Variants in MRPL1 observed in about 807,000 individuals in gnomAD.
The protein encoded by MRPL1 is mitochondrial ribosomal protein L1.
In MRPL1, 28 loss-of-function variants were observed where a neutral mutation model predicts 38.0. The ratio of observed to expected loss-of-function variants is 0.74; its 90% CI spans 0.55 to 1.01. The LOEUF (loss-of-function observed/expected upper bound fraction) is 1.01, where lower values mean the gene tolerates loss of function less well. MRPL1 is among the 50% of genes least tolerant of loss of function. MRPL1 has a pLI of 0.00. For synonymous variants in MRPL1, 123 were observed against 126.7 expected, an observed-to-expected ratio of 0.97 and a Z score of 0.20; for missense variants, 358 against 389.8, an observed-to-expected ratio of 0.92 and a Z score of 0.69.
intron 7 of MRPL1, among the ~76,000 whole-genome samples, chr4:77,941,058 G>A (rs1247290589): frequency 6.6e-6 from 1 of 152,058 alleles, no homozygotes; most frequent in Non-Finnish European, 1.5e-5. Flanking sequence ...CTGATGTCAG[G>A]AGTTCAAGAC....
intron 1 of MRPL1, among the ~76,000 whole-genome samples, chr4:77,870,492 T>C (rs997796900): frequency 6.6e-6 from 1 of 152,224 alleles, no homozygotes; most frequent in South Asian, 2.1e-4. Context: ...CACACCTTTA[T>C]GAAAGGCACA....
intron 5 of MRPL1, among the ~76,000 whole-genome samples, chr4:77,890,867 C>T (rs1016376510): frequency 2.6e-5 from 4 of 152,248 alleles, no homozygotes; most frequent in Non-Finnish European, 5.9e-5. Context: ...AGAAAGTAGA[C>T]AGGAAATAGT....
intron 7 of MRPL1, among the ~76,000 whole-genome samples, chr4:77,926,078 G>C (rs879446694): frequency 6.6e-6 from 1 of 152,184 alleles, no homozygotes; most frequent in African/African-American, 2.4e-5. Context: ...ATCTTTAAAA[G>C]ACTTAAAATG....
intron 7 of MRPL1, among the ~76,000 whole-genome samples, chr4:77,917,814 C>T (rs763220157): frequency 1.3e-5 from 2 of 151,934 alleles, no homozygotes; most frequent in Non-Finnish European, 1.5e-5. Flanking sequence ...CCAGCACTTT[C>T]GGAAGCTGAG....
intron 5 of MRPL1, among the ~76,000 whole-genome samples, chr4:77,889,969 G>A (rs1048914808): frequency 1.4e-4 from 21 of 152,152 alleles, no homozygotes; most frequent in African/African-American, 4.8e-4. Flanking sequence ...AACAGGCTCT[G>A]AAATTGAGGC....
intron 2 of MRPL1, 144 bp from the exon 3 acceptor site, chr4:77,883,098 A>G (rs1735581677): frequency 1.8e-6 from 1 of 566,782 alleles, no homozygotes; most frequent in Non-Finnish European, 2.9e-6. Context: ...TTGTTGAATT[A>G]GAAAAACTGT....
At chr4:77,914,024 T>C (rs1412130347) in intron 7 of MRPL1, among the ~76,000 whole-genome samples, 1 of 152,210 alleles carries the variant, frequency 6.6e-6, no homozygotes, top group African/African-American at 2.4e-5. Flanking sequence ...GAAGTGATTG[T>C]TATGTTATTC....
chr4:77,879,182 T>A (rs973795575), intron 2 of MRPL1, among the ~76,000 whole-genome samples: 2 of 152,202 alleles, frequency 1.3e-5, no homozygotes, highest in African/African-American at 4.8e-5. Flanking sequence ...AACAAAGTTC[T>A]TCTGAATGTG....
At chr4:77,889,064 C>A (rs1260227662) in intron 5 of MRPL1, among the ~76,000 whole-genome samples, 1 of 152,118 alleles carries the variant, frequency 6.6e-6, no homozygotes, top group African/African-American at 2.4e-5. Flanking sequence ...CAACATTAGA[C>A]ACATCAACGA....
chr4:77,878,238 G>C (rs977846848), intron 2 of MRPL1, among the ~76,000 whole-genome samples: 3 of 152,148 alleles, frequency 2.0e-5, no homozygotes, highest in African/African-American at 7.2e-5. Flanking sequence ...GCTCTTTCTC[G>C]TTGTTAATGG....
intron 7 of MRPL1, among the ~76,000 whole-genome samples, chr4:77,918,471 T>C (rs1736476763): frequency 6.6e-6 from 1 of 152,192 alleles, no homozygotes. Flanking sequence ...TATGTCTGAA[T>C]TGTAGCCTGT....
At chr4:77,923,884 G>C (rs769196447) in intron 7 of MRPL1, among the ~76,000 whole-genome samples, 1 of 151,906 alleles carries the variant, frequency 6.6e-6, no homozygotes, top group Non-Finnish European at 1.5e-5. Context: ...CAGGAGAATC[G>C]GTTGAACCTC....
intron 4 of MRPL1, among the ~76,000 whole-genome samples, chr4:77,885,576 G>A (rs573027587): frequency 7.7e-4 from 117 of 152,124 alleles, no homozygotes; most frequent in Admixed American, 9.2e-4. Context: ...CATGTTGGCC[G>A]GGGTAGTCTT....
chr4:77,935,487 G>A (rs932448312), intron 7 of MRPL1, among the ~76,000 whole-genome samples: 9 of 151,722 alleles, frequency 5.9e-5, no homozygotes, highest in Admixed American at 2.6e-4. Flanking sequence ...TCTGCCTCCC[G>A]GATTCAAGCA....
intron 7 of MRPL1, among the ~76,000 whole-genome samples, chr4:77,929,003 A>T (rs1736784539): frequency 1.3e-5 from 2 of 152,252 alleles, no homozygotes; most frequent in South Asian, 4.1e-4. Context: ...TAGTGATCAT[A>T]GATAATAGAA....
intron 7 of MRPL1, among the ~76,000 whole-genome samples, chr4:77,912,937 TCTGGAGAAAGGATA>T: frequency 1.3e-5 from 2 of 152,170 alleles, no homozygotes; most frequent in Non-Finnish European, 2.9e-5. Flanking sequence ...TGGCATTTTT[TCTGGAGAAAGGATA>T]GTTCTTTCAA....
At chr4:77,883,612 G>A (rs190576621) in intron 3 of MRPL1, 112 bp downstream of exon 3, 62 of 1,130,432 alleles carry the variant, frequency 5.5e-5, no homozygotes, top group South Asian at 1.2e-4. Context: ...TCTTCTTGCC[G>A]TGTTGCCCAG....
At chr4:77,896,253 A>T (rs1447665191) in intron 6 of MRPL1, among the ~76,000 whole-genome samples, 2 of 151,034 alleles carry the variant, frequency 1.3e-5, no homozygotes. Flanking sequence ...ATTCCAAATA[A>T]TAATTTTCCT....
chr4:77,880,495 C>CTT (rs200273544), intron 2 of MRPL1, among the ~76,000 whole-genome samples: 94 of 121,670 alleles, frequency 7.7e-4, no homozygotes, highest in African/African-American at 1.3e-3. Context: ...TCTGCAAGGT[C>CTT]TTTTTTTTTT....
Sources: gnomAD v4.1 joint callset for allele counts (sites outside exome capture counted in the v4.1 genomes callset) on GRCh38, gnomAD v4.1.1 for gene constraint, MANE v1.5 for transcripts, NCBI Gene and HGNC (gene_info 2026-07-23, HGNC 2026-07-21) for gene names.